NRCAM: variants seen among roughly 807,000 people sequenced by gnomAD.
The protein encoded by NRCAM is neuronal cell adhesion molecule.
Under a neutral mutation model 156.5 loss-of-function variants are expected in NRCAM, and 83 were observed. The ratio of observed to expected loss-of-function variants is 0.53; its 90% CI spans 0.44 to 0.64. The LOEUF (loss-of-function observed/expected upper bound fraction) is 0.64, where lower values mean the gene tolerates loss of function less well. Among genes scored for constraint, NRCAM ranks in the 30% least tolerant of loss-of-function variants. The pLI is 0.00. For synonymous variants in NRCAM, 538 were observed against 563.9 expected (o/e 0.95, Z 0.65); for missense variants, 1,417 against 1,597.3 (o/e 0.89, Z 1.92).
At chr7:108,275,999 G>A (rs1160164325) in intron 3 of NRCAM, among the ~76,000 whole-genome samples, 1 of 152,168 alleles carries the variant, frequency 6.6e-6, no homozygotes, top group Non-Finnish European at 1.5e-5. Flanking sequence ...TTACCCAGTA[G>A]TCATTCAGGT....
At chr7:108,434,763 G>A (rs1375187674) in intron 1 of NRCAM, among the ~76,000 whole-genome samples, 2 of 152,026 alleles carry the variant, frequency 1.3e-5, no homozygotes, top group African/African-American at 4.8e-5. Flanking sequence ...CAGACACAGG[G>A]GCAAACCTTA....
intron 2 of NRCAM, among the ~76,000 whole-genome samples, chr7:108,341,284 G>A (rs925611998): frequency 4.6e-5 from 7 of 152,162 alleles, no homozygotes; most frequent in Non-Finnish European, 8.8e-5. Flanking sequence ...ACAGAGCCCC[G>A]GGTATGCTTG....
chr7:108,338,929 A>G (rs771274769), intron 2 of NRCAM, among the ~76,000 whole-genome samples: 19 of 152,192 alleles, frequency 1.2e-4, no homozygotes, highest in Admixed American at 3.9e-4. Context: ...AATGCATTCA[A>G]TCTGTAGTGG....
intron 32 of NRCAM, among the ~76,000 whole-genome samples, chr7:108,157,220 G>GT (rs2046039715): frequency 1.3e-5 from 2 of 152,108 alleles, no homozygotes; most frequent in East Asian, 3.9e-4. Flanking sequence ...TTTTGTCTTC[G>GT]TGTCAATTGG....
intron 2 of NRCAM, among the ~76,000 whole-genome samples, chr7:108,347,958 A>T (rs952099559): frequency 1.3e-5 from 2 of 151,984 alleles, no homozygotes; most frequent in Admixed American, 6.6e-5. Flanking sequence ...CATCCCAATC[A>T]CTGCACTCAC....
At chr7:108,402,835 G>A (rs763104499) in intron 1 of NRCAM, among the ~76,000 whole-genome samples, 15 of 152,212 alleles carry the variant, frequency 9.9e-5, no homozygotes, top group Non-Finnish European at 1.8e-4. Flanking sequence ...GCAGAGATAC[G>A]CTAGAACAAA....
intron 3 of NRCAM, among the ~76,000 whole-genome samples, chr7:108,304,199 C>T (rs2098679760): frequency 6.6e-6 from 1 of 152,196 alleles, no homozygotes; most frequent in Non-Finnish European, 1.5e-5. Flanking sequence ...ATTTTCCCCA[C>T]TGTAATTTCT....
intron 32 of NRCAM, chr7:108,150,606 T>C (rs2040822350): frequency 2.1e-6 from 1 of 485,054 alleles, no homozygotes; most frequent in Non-Finnish European, 4.1e-6. Context: ...ATGTGGATTT[T>C]TTTTTTCTGA....
chr7:108,251,616 C>T (rs1331840076), intron 3 of NRCAM, among the ~76,000 whole-genome samples: 1 of 152,214 alleles, frequency 6.6e-6, no homozygotes, highest in Admixed American at 6.5e-5. Flanking sequence ...TCCTTTGAGG[C>T]TGCTGGTTGT....
At chr7:108,302,538 T>C (rs1033963370) in intron 3 of NRCAM, among the ~76,000 whole-genome samples, 1 of 152,202 alleles carries the variant, frequency 6.6e-6, no homozygotes. Context: ...TAAGATTGTA[T>C]TCACAGAATG....
intron 1 of NRCAM, among the ~76,000 whole-genome samples, chr7:108,452,828 A>AAT (rs1445764730): frequency 6.6e-6 from 1 of 152,036 alleles, no homozygotes; most frequent in Non-Finnish European, 1.5e-5. Context: ...ATGAGATTCC[A>AAT]ATAGCTGCTG....
chr7:108,341,964 T>C lies in NRCAM; in HGVS notation c.-173-29233A>G, dbSNP rs548969663. Among the ~76,000 whole-genome samples, 181 of 152,294 alleles carry C rather than the reference T, an allele frequency of 1.2e-3. 1 individual carries two copies. The highest frequency in any genetic ancestry group is 2.4e-3 in the Non-Finnish European group (164 of 68,026). On this transcript the variant is annotated intron_variant, in intron 2 of 32. Transcript: ENST00000379028. ...TAGGAAGCAGAGTGGTTTATAATCC[T>C]GGACCTTAAGGATGCCTTTTTCTGC...
At chr7:108,444,884 G>C (rs1842626410) in intron 1 of NRCAM, among the ~76,000 whole-genome samples, 1 of 152,182 alleles carries the variant, frequency 6.6e-6, no homozygotes, top group Non-Finnish European at 1.5e-5. Flanking sequence ...TGTGTCGACA[G>C]AGTCCAGGTC....
intron 11 of NRCAM, among the ~76,000 whole-genome samples, chr7:108,217,124 T>G (rs1259593803): frequency 6.6e-6 from 1 of 152,248 alleles, no homozygotes; most frequent in African/African-American, 2.4e-5. Context: ...TTTTTGTTGA[T>G]GCTGATGCTA....
chr7:108,381,428 C>T (rs942280344), intron 2 of NRCAM, among the ~76,000 whole-genome samples: 1 of 152,098 alleles, frequency 6.6e-6, no homozygotes, highest in African/African-American at 2.4e-5. Context: ...TTGAGTATTG[C>T]TGTGATCCAA....
Position 108,437,043 on chromosome 7 carries a change from A to T in NRCAM, c.-332+19200T>A, listed in dbSNP as rs74745670. Among the ~76,000 whole-genome samples the T allele has an allele frequency of 7.1e-3, 1,084 of 152,330 alleles. 11 individuals carry two copies. Among genetic ancestry groups the T allele is most frequent in the African/African-American group, 0.025 (1,037 of 41,576 alleles). On this transcript the variant is annotated intron_variant, in intron 1 of 32. Coordinates refer to ENST00000379028, the MANE Select transcript of NRCAM (RefSeq NM_001037132.4). ...GTGTCCATCAACAGATGAATGGATTAAAAAAATGTTGTACTCATACACGAT... is the reference window on the plus strand; with the variant it reads ...GTGTCCATCAACAGATGAATGGATTTAAAAAATGTTGTACTCATACACGAT...
At chr7:108,201,095 C>T (rs2077801011) in intron 13 of NRCAM, among the ~76,000 whole-genome samples, 1 of 151,496 alleles carries the variant, frequency 6.6e-6, no homozygotes, top group Admixed American at 6.6e-5. Flanking sequence ...TAACCAAATG[C>T]CACCTGTTGC....
chr7:108,185,788 T>C lies in NRCAM; in HGVS notation c.2036-1174A>G, dbSNP rs1368973531. On this transcript the variant is annotated intron_variant, in intron 20 of 32. Transcript: ENST00000379028. Reference sequence around the variant, plus strand: ...TCCATACGTACTGAAATGGAATGATTTCTAAAGTGTATTATTAAGTGAAAC... The same window carrying C: ...TCCATACGTACTGAAATGGAATGATCTCTAAAGTGTATTATTAAGTGAAAC... 3.3e-5 allele frequency among the ~76,000 whole-genome samples: 5 copies of C among 150,398 alleles called. No individual in the cohort carries two copies. The East Asian group carries it at 9.7e-4, about 29-fold the overall frequency.
rs1008007119 is a variant in NRCAM, at chr7:108,200,105, T to C, written c.1208-2006A>G. Among the ~76,000 whole-genome samples the C allele has an allele frequency of 2.0e-5, 3 of 152,302 alleles. No individual in the cohort carries two copies. In the East Asian group the frequency reaches 5.8e-4, roughly 29 times the overall value. ...CACTCTGATTACCATCAGTAACTCATTTATGAAATCATCTTAGATACTCCA... is the reference window on the plus strand; with the variant it reads ...CACTCTGATTACCATCAGTAACTCACTTATGAAATCATCTTAGATACTCCA... On this transcript the variant is annotated intron_variant, in intron 13 of 32. Transcript: ENST00000379028.
Sources: allele counts gnomAD v4.1 joint callset (sites outside exome capture counted in the v4.1 genomes callset), GRCh38; gene constraint gnomAD v4.1.1; transcripts MANE v1.5; gene names NCBI Gene and HGNC (gene_info 2026-07-23, HGNC 2026-07-21).